Variants in BICD1 observed in about 807,000 individuals in gnomAD.
BICD1 encodes BICD cargo adaptor 1.
Under a neutral mutation model 92.5 loss-of-function variants are expected in BICD1, and 35 were observed. That is an observed-to-expected ratio of 0.38 (90% CI 0.29 to 0.50). BICD1 has a LOEUF of 0.50. Among genes scored for constraint, BICD1 ranks in the 20% least tolerant of loss-of-function variants. The pLI, the probability that BICD1 is intolerant of heterozygous loss-of-function variation, is 0.93. For synonymous variants in BICD1, 429 were observed against 465.1 expected, an observed-to-expected ratio of 0.92 and a Z score of 1.00; for missense variants, 950 against 1,189.8, an observed-to-expected ratio of 0.80 and a Z score of 2.97.
intron 1 of BICD1, among the ~76,000 whole-genome samples, chr12:32,146,672 G>A (rs1943112026): frequency 6.6e-6 from 1 of 152,246 alleles, no homozygotes; most frequent in African/African-American, 2.4e-5. Context: ...GACAGAGGAA[G>A]GGCACGCAGT....
At chr12:32,252,271 A>C (rs1363607861) in intron 2 of BICD1, among the ~76,000 whole-genome samples, 2 of 146,402 alleles carry the variant, frequency 1.4e-5, no homozygotes, top group African/African-American at 5.1e-5. Context: ...TTGAGTTATA[A>C]ATTTGCCATG....
At chr12:32,144,931 C>T (rs1335552297) in intron 1 of BICD1, among the ~76,000 whole-genome samples, 3 of 152,106 alleles carry the variant, frequency 2.0e-5, no homozygotes, top group South Asian at 2.1e-4. Flanking sequence ...GACAAATAGC[C>T]GTGGCATTAG....
intron 1 of BICD1, among the ~76,000 whole-genome samples, chr12:32,127,178 CTT>C (rs1942377464): frequency 1.3e-5 from 2 of 152,032 alleles, no homozygotes. Context: ...ATTTATCACT[CTT>C]TTGTGTTTCT....
chr12:32,339,074 G>GTA lies in BICD1; in HGVS notation c.2764+98_2764+99dup. ...TCACTCAGGCTCACCCAGCTGCAGAGTATACCTTTGATGATGTGTAAATTC... is the reference window on the plus strand; with the variant it reads ...TCACTCAGGCTCACCCAGCTGCAGAGTATATACCTTTGATGATGTGTAAATTC... On this transcript the variant is annotated intron_variant, in intron 8 of 9. Coordinates refer to ENST00000652176, the MANE Select transcript of BICD1 (RefSeq NM_001714.4). 7.1e-6 allele frequency: 10 copies of GTA among 1,405,672 alleles called. No individual in the cohort carries two copies. In the South Asian group the frequency reaches 1.6e-4, roughly 23 times the overall value. The allele number at this position is 1,405,672 out of a possible 1,614,324, so 87.1% of individuals were successfully genotyped here. A position where few individuals can be genotyped will look rare whatever the true frequency, so the allele number is the denominator to read the frequency against.
At chr12:32,287,773 G>C (rs1303851127) in intron 2 of BICD1, among the ~76,000 whole-genome samples, 1 of 152,158 alleles carries the variant, frequency 6.6e-6, no homozygotes, top group Non-Finnish European at 1.5e-5. Context: ...TCTTGACCTT[G>C]TGATCCGCCC....
At chr12:32,243,355 C>G (rs939370043) in intron 2 of BICD1, among the ~76,000 whole-genome samples, 3 of 146,190 alleles carry the variant, frequency 2.1e-5, no homozygotes, top group Non-Finnish European at 4.5e-5. Flanking sequence ...CTCAAGCGGT[C>G]TGCCTGCTTT....
At chr12:32,377,496 T>C (rs1311968308) in intron 9 of BICD1, 44 bp from the exon 10 acceptor site, 2 of 1,529,010 alleles carry the variant, frequency 1.3e-6, no homozygotes, top group Non-Finnish European at 1.8e-6. Flanking sequence ...TGCCTGGCCC[T>C]TTGAAATGTG....
intron 2 of BICD1, among the ~76,000 whole-genome samples, chr12:32,273,521 G>GA (rs1947196703): frequency 6.6e-6 from 1 of 152,090 alleles, no homozygotes; most frequent in Admixed American, 6.6e-5. Context: ...GGGAAGCCAA[G>GA]ATACAAGTGT....
At chr12:32,209,826 A>T (rs1945162240) in intron 1 of BICD1, among the ~76,000 whole-genome samples, 1 of 152,180 alleles carries the variant, frequency 6.6e-6, no homozygotes, top group African/African-American at 2.4e-5. Context: ...CACCGAACGC[A>T]TCTGGGTTGC....
intron 1 of BICD1, among the ~76,000 whole-genome samples, chr12:32,141,042 C>T (rs534432671): frequency 6.6e-6 from 1 of 152,272 alleles, no homozygotes; most frequent in African/African-American, 2.4e-5. Context: ...CTCACAAATT[C>T]AGGCATCTGT....
At chr12:32,218,684 G>A (rs771094153) in intron 2 of BICD1, among the ~76,000 whole-genome samples, 1 of 152,072 alleles carries the variant, frequency 6.6e-6, no homozygotes, top group African/African-American at 2.4e-5. Context: ...ACAGCTTGAG[G>A]CACTTTAGCC....
intron 9 of BICD1, among the ~76,000 whole-genome samples, chr12:32,372,547 A>AT (rs1939779190): frequency 6.6e-6 from 1 of 152,124 alleles, no homozygotes; most frequent in East Asian, 1.9e-4. Flanking sequence ...AAGGTGAATG[A>AT]TTTTTTAATA....
At chr12:32,228,466 A>C (rs752385350) in intron 2 of BICD1, among the ~76,000 whole-genome samples, 1 of 152,130 alleles carries the variant, frequency 6.6e-6, no homozygotes, top group Non-Finnish European at 1.5e-5. Flanking sequence ...GGCCTTGTAG[A>C]CCATTGAAAG....
At chr12:32,264,190 ATACT>A in intron 2 of BICD1, among the ~76,000 whole-genome samples, 1 of 152,268 alleles carries the variant, frequency 6.6e-6, no homozygotes. Flanking sequence ...TATGTACTAA[ATACT>A]TAGAACATTA....
At chr12:32,234,186 A>C (rs1945987903) in intron 2 of BICD1, among the ~76,000 whole-genome samples, 2 of 152,234 alleles carry the variant, frequency 1.3e-5, no homozygotes, top group African/African-American at 4.8e-5. Flanking sequence ...AAGGCAGGCT[A>C]TATATTGATT....
In BICD1 at chr12:32,152,047, C is replaced by T. The variant is rs112645663; in HGVS notation, c.213+44503C>T. On this transcript the variant is annotated intron_variant, in intron 1 of 9. Coordinates refer to ENST00000652176, the MANE Select transcript of BICD1 (RefSeq NM_001714.4). ...TCTCAGCTCACTGCAACCTCTGCCT[C>T]CCGGGTTCACGTGATTCTCCTGCCT... Among the ~76,000 whole-genome samples, 630 of 152,182 alleles carry T rather than the reference C, an allele frequency of 4.1e-3. 2 individuals are homozygous for T. The highest frequency in any genetic ancestry group is 0.015 in the African/African-American group (609 of 41,510).
chr12:32,227,222 A>G (rs768194631), intron 2 of BICD1, among the ~76,000 whole-genome samples: 5 of 152,186 alleles, frequency 3.3e-5, no homozygotes, highest in Admixed American at 6.5e-5. Flanking sequence ...GCTAGTGTGG[A>G]AAGCTGGGGG....
intron 2 of BICD1, among the ~76,000 whole-genome samples, chr12:32,291,873 G>A (rs1310531600): frequency 6.6e-6 from 1 of 152,102 alleles, no homozygotes; most frequent in Non-Finnish European, 1.5e-5. Context: ...GAAGCAAGAT[G>A]AGAGACATTT....
At chr12:32,211,249 A>G (rs1222132334) in intron 1 of BICD1, among the ~76,000 whole-genome samples, 1 of 152,180 alleles carries the variant, frequency 6.6e-6, no homozygotes, top group Non-Finnish European at 1.5e-5. Flanking sequence ...ATAACCTCAT[A>G]TACTTTCATT....
Sources: gnomAD v4.1 joint callset for allele counts (sites outside exome capture counted in the v4.1 genomes callset) on GRCh38, gnomAD v4.1.1 for gene constraint, MANE v1.5 for transcripts, NCBI Gene and HGNC (gene_info 2026-07-23, HGNC 2026-07-21) for gene names.